The following CHODL variants were observed in gnomAD, a reference collection of about 807,000 sequenced individuals.
The protein encoded by CHODL is transmembrane protein MT75.
CHODL carries 29 observed loss-of-function variants against 34.5 expected under a neutral mutation model. That is an observed-to-expected ratio of 0.84 (90% confidence interval 0.63 to 1.15). The LOEUF is 1.15. Ranked by LOEUF, CHODL falls within the 50% of genes most tolerant of loss-of-function variation. CHODL has a pLI of 0.00. For synonymous variants in CHODL, 125 were observed against 116.1 expected, an observed-to-expected ratio of 1.08 and a Z score of -0.49; for missense variants, 332 against 332.5, an observed-to-expected ratio of 1.00 and a Z score of 0.01.
intron 2 of CHODL, among the ~76,000 whole-genome samples, chr21:18,126,321 T>C (rs1333417416): frequency 2.6e-5 from 4 of 152,238 alleles, no homozygotes; most frequent in Non-Finnish European, 5.9e-5. Flanking sequence ...TTATGGCATG[T>C]ACATTTTTTA....
intron 2 of CHODL, among the ~76,000 whole-genome samples, chr21:18,162,391 C>T (rs1365328136): frequency 6.6e-6 from 1 of 150,868 alleles, no homozygotes; most frequent in African/African-American, 2.4e-5. Flanking sequence ...TGATCTGTGC[C>T]TTCATATTCA....
At chr21:18,241,542 T>G (rs1215430115), upstream of CHODL, among the ~76,000 whole-genome samples, 1 of 152,202 alleles carries the variant, frequency 6.6e-6, no homozygotes, top group African/African-American at 2.4e-5. Context: ...CGCAAATGAA[T>G]GAAGCCTGCT....
intron 2 of CHODL, among the ~76,000 whole-genome samples, chr21:18,198,964 A>G (rs1467656506): frequency 6.6e-6 from 1 of 152,136 alleles, no homozygotes; most frequent in Non-Finnish European, 1.5e-5. Context: ...TTTAAAAGTA[A>G]ACTTTTCAGT....
chr21:18,046,807 T>C (rs2146461979), intron 2 of CHODL, among the ~76,000 whole-genome samples: 1 of 152,090 alleles, frequency 6.6e-6, no homozygotes, highest in Non-Finnish European at 1.5e-5. Flanking sequence ...TATTTTACTG[T>C]TTGGGGATAT....
intron 2 of CHODL, among the ~76,000 whole-genome samples, chr21:18,062,309 G>C (rs1156457226): frequency 1.3e-5 from 2 of 152,108 alleles, no homozygotes; most frequent in Admixed American, 1.3e-4. Flanking sequence ...CTGTGTTGAA[G>C]TGATTCTCCA....
intron 2 of CHODL, among the ~76,000 whole-genome samples, chr21:18,128,339 A>AAAAAAAAAAAAAAAAAAAAAC (rs2072606402): frequency 8.1e-6 from 1 of 122,966 alleles, no homozygotes; most frequent in Non-Finnish European, 1.7e-5. Context: ...AAAAAAAAAA[A>AAAAAAAAAAAAAAAAAAAAAC]AAGAAGAAGA....
intron 1 of CHODL, among the ~76,000 whole-genome samples, chr21:18,015,503 G>A (rs897110269): frequency 6.6e-6 from 1 of 152,144 alleles, no homozygotes; most frequent in Non-Finnish European, 1.5e-5. Flanking sequence ...GACTAATACC[G>A]AGAATTGGTA....
chr21:17,981,928 T>G (rs1160395654), intron 1 of CHODL, among the ~76,000 whole-genome samples: 1 of 152,226 alleles, frequency 6.6e-6, no homozygotes, highest in African/African-American at 2.4e-5. Flanking sequence ...AAGATAGATG[T>G]GTTCAATTGG....
chr21:18,216,608 G>A (rs577040297), intron 2 of CHODL, among the ~76,000 whole-genome samples: 17 of 152,250 alleles, frequency 1.1e-4, no homozygotes, highest in Admixed American at 1.0e-3. Flanking sequence ...CAAATGACAA[G>A]CGTATTAGTC....
chr21:18,159,711 A>G (rs2073074385), intron 2 of CHODL, among the ~76,000 whole-genome samples: 1 of 152,166 alleles, frequency 6.6e-6, no homozygotes, highest in Non-Finnish European at 1.5e-5. Flanking sequence ...GGACTTTGGG[A>G]TACAAATGAT....
At chr21:17,961,115 T>C (rs1484507639) in intron 1 of CHODL, among the ~76,000 whole-genome samples, 1 of 152,226 alleles carries the variant, frequency 6.6e-6, no homozygotes, top group Non-Finnish European at 1.5e-5. Context: ...GTTCTATAAA[T>C]GCTTACTGAC....
At chr21:18,113,949 A>C (rs1178227989) in intron 2 of CHODL, among the ~76,000 whole-genome samples, 3 of 152,224 alleles carry the variant, frequency 2.0e-5, no homozygotes, top group African/African-American at 7.2e-5. Context: ...ACAATAGAAT[A>C]CTGTTCAGCC....
intron 2 of CHODL, among the ~76,000 whole-genome samples, chr21:18,193,522 A>C (rs1321405528): frequency 2.0e-5 from 3 of 151,530 alleles, no homozygotes; most frequent in East Asian, 1.9e-4. Context: ...GGTGAAACCC[A>C]GTCTCTACTA....
intron 2 of CHODL, among the ~76,000 whole-genome samples, chr21:18,203,935 G>C (rs1304236974): frequency 6.6e-6 from 1 of 151,978 alleles, no homozygotes; most frequent in East Asian, 1.9e-4. Flanking sequence ...ATTCCCTCAA[G>C]GAAAAATGCC....
intron 2 of CHODL, among the ~76,000 whole-genome samples, chr21:18,028,555 TG>T (rs1020406124): frequency 1.1e-4 from 17 of 151,542 alleles, no homozygotes; most frequent in African/African-American, 4.1e-4. Flanking sequence ...AAAAATTAGC[TG>T]GGCGTGGTGG....
At chr21:18,220,888 A>G (rs537870267) in intron 2 of CHODL, among the ~76,000 whole-genome samples, 46 of 152,174 alleles carry the variant, frequency 3.0e-4, no homozygotes, top group Middle Eastern at 3.4e-3. Context: ...TTTGGGTTCA[A>G]TTCATTTGTG....
intron 1 of CHODL, among the ~76,000 whole-genome samples, chr21:17,990,090 G>A (rs158012): frequency 0.21 from 31,712 of 151,850 alleles, 5,063 homozygotes; most frequent in African/African-American, 0.44. Context: ...AAGGATTCAG[G>A]TCTCCTAAAA....
At chr21:18,038,439 C>T (rs1034002522) in intron 2 of CHODL, among the ~76,000 whole-genome samples, 9 of 151,740 alleles carry the variant, frequency 5.9e-5, no homozygotes, top group African/African-American at 1.4e-4. Flanking sequence ...CAATTTGACA[C>T]GAATTCAGGA....
intron 2 of CHODL, among the ~76,000 whole-genome samples, chr21:18,048,126 G>T (rs1275398307): frequency 6.6e-6 from 1 of 151,862 alleles, no homozygotes; most frequent in Non-Finnish European, 1.5e-5. Context: ...GTTAACATTG[G>T]TAACTGACAA....
Sources: allele counts gnomAD v4.1 joint callset (sites outside exome capture counted in the v4.1 genomes callset), GRCh38; gene constraint gnomAD v4.1.1; transcripts MANE v1.5; gene names NCBI Gene and HGNC (gene_info 2026-07-23, HGNC 2026-07-21).